Variants in SYT1 observed in about 807,000 individuals in gnomAD.
The protein encoded by SYT1 is synaptotagmin-1.
A neutral mutation model predicts 44.8 loss-of-function variants in SYT1; 8 were observed. The observed-to-expected ratio is 0.18, with a 90% CI of 0.10 to 0.32. The LOEUF is 0.32. SYT1 is among the 10% of genes least tolerant of loss of function. The probability of loss-of-function intolerance (pLI) is 1.00; values close to 1 mark genes in which losing one functional copy is unlikely to be tolerated. For synonymous variants in SYT1, 154 were observed against 188.8 expected (o/e 0.82, Z 1.51); for missense variants, 286 against 509.3 (o/e 0.56, Z 4.22).
At chr12:78,967,153 G>A (rs981239433) in intron 1 of SYT1, among the ~76,000 whole-genome samples, 1 of 152,130 alleles carries the variant, frequency 6.6e-6, no homozygotes, top group African/African-American at 2.4e-5. Flanking sequence ...TAGTTGGCAA[G>A]GTGACACTAT....
At chr12:78,944,325 C>T (rs1467301238) in intron 1 of SYT1, among the ~76,000 whole-genome samples, 1 of 150,522 alleles carries the variant, frequency 6.6e-6, no homozygotes, top group Non-Finnish European at 1.5e-5. Flanking sequence ...TATCTTTTTT[C>T]CTGGAGATAA....
At chr12:79,330,516 A>G (rs1197745915) in intron 8 of SYT1, among the ~76,000 whole-genome samples, 4 of 152,226 alleles carry the variant, frequency 2.6e-5, no homozygotes, top group African/African-American at 7.2e-5. Flanking sequence ...GAGTTCTAAT[A>G]ACATTAGGAA....
intron 9 of SYT1, among the ~76,000 whole-genome samples, chr12:79,401,964 T>G (rs1313704820): frequency 6.6e-6 from 1 of 152,092 alleles, no homozygotes; most frequent in East Asian, 1.9e-4. Context: ...CCACCAAAAC[T>G]CAAACATTTG....
intron 8 of SYT1, among the ~76,000 whole-genome samples, chr12:79,346,450 G>A (rs1250613024): frequency 6.6e-6 from 1 of 152,130 alleles, no homozygotes; most frequent in Non-Finnish European, 1.5e-5. Context: ...CTAACTGGCA[G>A]TTTCCACCTA....
chr12:78,923,854 T>C (rs571306457), intron 1 of SYT1, among the ~76,000 whole-genome samples: 274 of 152,056 alleles, frequency 1.8e-3, no homozygotes, highest in African/African-American at 6.0e-3. Flanking sequence ...TAACATTCAC[T>C]AGTCTTAATA....
rs181229013 is a variant in SYT1, at chr12:78,967,686, G to A, written c.-216-10113G>A. 6.0e-4 allele frequency among the ~76,000 whole-genome samples: 92 copies of A among 152,208 alleles called. No individual in the cohort carries two copies. In the South Asian group the frequency reaches 0.011, roughly 17 times the overall value. On this transcript the variant is annotated intron_variant, in intron 1 of 10. Transcript: ENST00000261205. The stretch of plus-strand genomic sequence containing the variant: ...ATCTATGAGCAGATAGCCATCAGTG[G>A]GAAATTTGAGTCTACAGTACAGTAA...
chr12:79,243,829 G>C (rs1021046746), intron 4 of SYT1, among the ~76,000 whole-genome samples: 1 of 151,256 alleles, frequency 6.6e-6, no homozygotes, highest in Non-Finnish European at 1.5e-5. Flanking sequence ...AAGGAAAAAA[G>C]AGAGGAAGAA....
chr12:78,896,597 G>GT (rs1875371119), intron 1 of SYT1, among the ~76,000 whole-genome samples: 1 of 151,682 alleles, frequency 6.6e-6, no homozygotes, highest in South Asian at 2.1e-4. Flanking sequence ...CCCTCCCCAA[G>GT]GGGAAAAATA....
At chr12:78,943,691 C>T (rs1030336939) in intron 1 of SYT1, among the ~76,000 whole-genome samples, 10 of 152,140 alleles carry the variant, frequency 6.6e-5, no homozygotes, top group African/African-American at 2.2e-4. Context: ...GTAGAAAAAG[C>T]ATGGCATGTC....
intron 2 of SYT1, among the ~76,000 whole-genome samples, chr12:78,991,310 C>G (rs1869994652): frequency 6.6e-6 from 1 of 151,938 alleles, no homozygotes; most frequent in Admixed American, 6.6e-5. Flanking sequence ...ATTCATATAA[C>G]CTATTATAGA....
chr12:79,126,454 T>A lies in SYT1; in HGVS notation c.-18+79092T>A, dbSNP rs187691793. Among the ~76,000 whole-genome samples, 81 of 152,232 alleles carry A rather than the reference T, an allele frequency of 5.3e-4. No individual in the cohort carries two copies. The East Asian group carries it at 0.014, about 25-fold the overall frequency. On this transcript the variant is annotated intron_variant, in intron 3 of 10. Coordinates refer to ENST00000261205, the MANE Select transcript of SYT1 (RefSeq NM_005639.3). ...TTTTGTATTTTTAGTAGAGACGGGA[T>A]TTCACCATGTTGGCCAGGATGGTCT...
chr12:79,220,765 T>G (rs562137167), intron 4 of SYT1, among the ~76,000 whole-genome samples: 11 of 152,154 alleles, frequency 7.2e-5, no homozygotes, highest in Non-Finnish European at 1.3e-4. Flanking sequence ...TTTTGATTTC[T>G]AGTTTTATAT....
At chr12:79,169,866 A>G (rs867515913) in intron 3 of SYT1, among the ~76,000 whole-genome samples, 2 of 151,990 alleles carry the variant, frequency 1.3e-5, no homozygotes, top group Non-Finnish European at 2.9e-5. Flanking sequence ...TGGCTCCAAA[A>G]GGCCCCAGGA....
intron 3 of SYT1, among the ~76,000 whole-genome samples, chr12:79,170,491 G>A (rs1871450923): frequency 1.3e-5 from 2 of 152,054 alleles, no homozygotes; most frequent in South Asian, 4.1e-4. Flanking sequence ...CCACATGTAT[G>A]TCTTCTTTTG....
chr12:79,257,136 A>G (rs1445248349), intron 4 of SYT1, among the ~76,000 whole-genome samples: 1 of 152,228 alleles, frequency 6.6e-6, no homozygotes, highest in Non-Finnish European at 1.5e-5. Flanking sequence ...TTTATCTGAA[A>G]CTGAAGAAAA....
In SYT1 at chr12:79,173,628, A is replaced by G. The variant is rs563082357; in HGVS notation, c.-17-43875A>G. Reference sequence around the variant, plus strand: ...AATGATCAGGAAATAATTCAGAGAGAAGATAGTATCTGAGAAAGGCTTAAA... The same window carrying G: ...AATGATCAGGAAATAATTCAGAGAGGAGATAGTATCTGAGAAAGGCTTAAA... On this transcript the variant is annotated intron_variant, in intron 3 of 10. Transcript: ENST00000261205. 8.5e-4 allele frequency among the ~76,000 whole-genome samples: 129 copies of G among 152,218 alleles called. 1 individual carries two copies. The highest frequency in any genetic ancestry group is 1.6e-3 in the Non-Finnish European group (109 of 67,982).
At chr12:79,029,358 T>TAAA (rs199597216) in intron 2 of SYT1, among the ~76,000 whole-genome samples, 2 of 133,146 alleles carry the variant, frequency 1.5e-5, no homozygotes, top group African/African-American at 2.7e-5. Context: ...TACAAATCAG[T>TAAA]AAAAAAAAAA....
At chr12:78,872,306 C>T (rs771715279) in intron 1 of SYT1, among the ~76,000 whole-genome samples, 19 of 151,734 alleles carry the variant, frequency 1.3e-4, no homozygotes, top group Admixed American at 2.6e-4. Context: ...TTAGACAACA[C>T]AGAATGAATA....
intron 2 of SYT1, among the ~76,000 whole-genome samples, chr12:79,003,412 C>T (rs1190553618): frequency 3.9e-5 from 6 of 151,980 alleles, no homozygotes; most frequent in Non-Finnish European, 8.8e-5. Context: ...TCCTAGTCAA[C>T]ATTAGCAATA....
Sources: gnomAD v4.1 joint callset for allele counts (sites outside exome capture counted in the v4.1 genomes callset) on GRCh38, gnomAD v4.1.1 for gene constraint, MANE v1.5 for transcripts, NCBI Gene and HGNC (gene_info 2026-07-23, HGNC 2026-07-21) for gene names.